The following SH3PXD2B variants were observed in gnomAD, a reference collection of about 807,000 sequenced individuals.
The protein encoded by SH3PXD2B is SH3 and PX domain-containing protein 2B.
SH3PXD2B carries 37 observed loss-of-function variants against 73.1 expected under a neutral mutation model. That is an observed-to-expected ratio of 0.51 (90% CI 0.39 to 0.67). The LOEUF (loss-of-function observed/expected upper bound fraction) is 0.67. SH3PXD2B is among the 30% of genes least tolerant of loss of function. The pLI is 0.00. For missense variants in SH3PXD2B, 1,053 were observed against 1,197.8 expected (o/e 0.88, Z 1.78); for synonymous variants, 457 against 480.5 (o/e 0.95, Z 0.64).
At chr5:172,329,006 CACAT>C (rs1472861041), downstream of SH3PXD2B, among the ~76,000 whole-genome samples, 2 of 145,790 alleles carry the variant, frequency 1.4e-5, no homozygotes, top group East Asian at 2.0e-4. Context: ...TATAGATACA[CACAT>C]ATATATACAT....
intron 8 of SH3PXD2B, among the ~76,000 whole-genome samples, chr5:172,355,748 G>A (rs983576951): frequency 6.6e-6 from 1 of 151,970 alleles, no homozygotes; most frequent in East Asian, 1.9e-4. Flanking sequence ...GTTTCACCGT[G>A]TTAGCCGGGA....
At chr5:172,348,883 AT>A (rs889530809) in intron 10 of SH3PXD2B, among the ~76,000 whole-genome samples, 11 of 150,956 alleles carry the variant, frequency 7.3e-5, no homozygotes, top group African/African-American at 2.4e-4. Flanking sequence ...ATTAAAAAAA[AT>A]TTTTTTTTGT....
In SH3PXD2B at chr5:172,454,258, G is replaced by T; in HGVS notation, c.75+20C>A. 2 of 1,589,220 alleles carry T rather than the reference G, an allele frequency of 1.3e-6. No individual in the cohort carries two copies. Among genetic ancestry groups the T allele is most frequent in the Non-Finnish European group, 8.5e-7 (1 of 1,170,798 alleles). ...ACGGGGCGCGGGCTCAAGGGGGCGT[G>T]GGGGCCGCGCCGCACTCACATAATG... On this transcript the variant is annotated intron_variant, in intron 1 of 12. Coordinates refer to ENST00000311601, the MANE Select transcript of SH3PXD2B (RefSeq NM_001017995.3).
At chr5:172,385,678 C>T (rs532566220) in intron 4 of SH3PXD2B, among the ~76,000 whole-genome samples, 75 of 152,288 alleles carry the variant, frequency 4.9e-4, no homozygotes, top group African/African-American at 1.7e-3. Context: ...TGGGCAGAGG[C>T]CCCAAATGGA....
At chr5:172,386,192 G>A (rs1183926724) in intron 4 of SH3PXD2B, among the ~76,000 whole-genome samples, 4 of 152,152 alleles carry the variant, frequency 2.6e-5, no homozygotes, top group Admixed American at 6.5e-5. Context: ...TCTGTAAAGC[G>A]GAAATAAAGA....
intron 6 of SH3PXD2B, among the ~76,000 whole-genome samples, chr5:172,364,978 T>C (rs1007354567): frequency 6.6e-6 from 1 of 152,084 alleles, no homozygotes; most frequent in African/African-American, 2.4e-5. Context: ...GTCTGGATTT[T>C]TGATGTGAAA....
intron 7 of SH3PXD2B, 88 bp downstream of exon 7, chr5:172,362,645 GGC>G: frequency 6.3e-7 from 1 of 1,590,138 alleles, no homozygotes; most frequent in Non-Finnish European, 8.6e-7. Flanking sequence ...AGTCTGGACT[GGC>G]CATTTCAGTT....
At chr5:172,375,289 GGTGGAGGC>G (rs1757798157) in intron 5 of SH3PXD2B, among the ~76,000 whole-genome samples, 3 of 152,184 alleles carry the variant, frequency 2.0e-5, no homozygotes, top group Admixed American at 1.3e-4. Context: ...GAACCTGGGA[GGTGGAGGC>G]TGCAGTGAGC....
At chr5:172,355,106 G>A (rs1757241601) in intron 8 of SH3PXD2B, among the ~76,000 whole-genome samples, 1 of 152,226 alleles carries the variant, frequency 6.6e-6, no homozygotes, top group African/African-American at 2.4e-5. Flanking sequence ...TTACATTTCC[G>A]CCCCTGGTTG....
intron 12 of SH3PXD2B, among the ~76,000 whole-genome samples, chr5:172,328,150 ACT>A (rs1756481499): frequency 7.5e-6 from 1 of 133,580 alleles, no homozygotes; most frequent in African/African-American, 2.9e-5. Context: ...ATGGAGTCTC[ACT>A]CTCTCACTCT....
chr5:172,372,927 C>G (rs1318923809), intron 6 of SH3PXD2B, among the ~76,000 whole-genome samples: 1 of 152,154 alleles, frequency 6.6e-6, no homozygotes, highest in Non-Finnish European at 1.5e-5. Flanking sequence ...GGAGGATGAT[C>G]TTGGGTGGCA....
chr5:172,350,888 C>A (rs954862896), intron 9 of SH3PXD2B, among the ~76,000 whole-genome samples: 16 of 152,238 alleles, frequency 1.1e-4, no homozygotes, highest in African/African-American at 3.9e-4. Context: ...TTTGCTGCCT[C>A]TTCCCAGCAG....
At chr5:172,453,422 C>T (rs1759848072) in intron 1 of SH3PXD2B, among the ~76,000 whole-genome samples, 1 of 152,154 alleles carries the variant, frequency 6.6e-6, no homozygotes, top group African/African-American at 2.4e-5. Context: ...GTCCCAGGGC[C>T]TCCTGAATCT....
intron 12 of SH3PXD2B, among the ~76,000 whole-genome samples, chr5:172,344,797 C>A (rs958809353): frequency 6.6e-6 from 1 of 152,114 alleles, no homozygotes; most frequent in African/African-American, 2.4e-5. Context: ...TACTTCAATG[C>A]CTCTGGAAGC....
At chr5:172,344,117 T>TC (rs2113268723) in intron 12 of SH3PXD2B, among the ~76,000 whole-genome samples, 1 of 150,482 alleles carries the variant, frequency 6.6e-6, no homozygotes, top group African/African-American at 2.5e-5. Flanking sequence ...TCATCATCAT[T>TC]ATCATAACAC....
rs1468086334 is a variant in SH3PXD2B at position 172,421,187 on chromosome 5, C to T, written c.156+1229G>A. 2.0e-5 allele frequency among the ~76,000 whole-genome samples: 3 copies of T among 152,088 alleles called. No homozygotes were observed. Among genetic ancestry groups the T allele is most frequent in the African/African-American group, 7.2e-5 (3 of 41,404 alleles). Reference sequence around the variant, plus strand: ...AGCCGGGCAAGTTCCCAATGTCTCCCGAGGGTTTTCCAAATAACTCTGTTA... The same window carrying T: ...AGCCGGGCAAGTTCCCAATGTCTCCTGAGGGTTTTCCAAATAACTCTGTTA... On this transcript the variant is annotated intron_variant, in intron 2 of 12. Coordinates refer to ENST00000311601, the MANE Select transcript of SH3PXD2B (RefSeq NM_001017995.3). This position sits in a 1 kb window ranked among gnomAD's most constrained non-coding sequence, Gnocchi z 4.0.
At chr5:172,383,995 C>A (rs549850740) in intron 4 of SH3PXD2B, among the ~76,000 whole-genome samples, 2 of 151,902 alleles carry the variant, frequency 1.3e-5, no homozygotes, top group Non-Finnish European at 1.5e-5. Context: ...TACAGGCGCA[C>A]GCCACCCCAC....
In SH3PXD2B at chr5:172,377,766, T is replaced by C. The variant is rs150400697; in HGVS notation, c.402-3951A>G. Among the ~76,000 whole-genome samples, 311 of 152,302 alleles carry C rather than the reference T, an allele frequency of 2.0e-3. 2 individuals carry two copies. Among genetic ancestry groups the C allele is most frequent in the African/African-American group, 7.0e-3 (292 of 41,570 alleles). ...ACGTATATAAGATATGAGATAAGCA[T>C]GCTAGCTTATCTCAGCTGTTACTTG... is the stretch of plus-strand genomic sequence containing the variant. On this transcript the variant is annotated intron_variant, in intron 5 of 12. Transcript: ENST00000311601.
At chr5:172,326,039 A>G (rs1399146141) in intron 12 of SH3PXD2B, among the ~76,000 whole-genome samples, 1 of 152,206 alleles carries the variant, frequency 6.6e-6, no homozygotes, top group Non-Finnish European at 1.5e-5. Flanking sequence ...CGCCTGCCTC[A>G]GCCTCCCGAA....
Sources: gnomAD v4.1 joint callset for allele counts (sites outside exome capture counted in the v4.1 genomes callset) on GRCh38, gnomAD v4.1.1 for gene constraint, Gnocchi (gnomAD v3.1) non-coding constraint, MANE v1.5 for transcripts, NCBI Gene and HGNC (gene_info 2026-07-23, HGNC 2026-07-21) for gene names.